Variants in PRKN observed in about 807,000 individuals in gnomAD.
PRKN encodes the protein parkin RBR E3 ubiquitin protein ligase, also known as E3 ubiquitin-protein ligase parkin.
In PRKN, 56 loss-of-function variants were observed where a neutral mutation model predicts 59.5. The observed-to-expected ratio is 0.94, with a 90% CI of 0.76 to 1.18. The LOEUF (loss-of-function observed/expected upper bound fraction) is 1.18. PRKN is among the 50% of genes most tolerant of loss of function. The pLI, the probability that PRKN is intolerant of heterozygous loss-of-function variation, is 0.00. For synonymous variants in PRKN, 250 were observed against 222.1 expected, an observed-to-expected ratio of 1.13 and a Z score of -1.12; for missense variants, 657 against 596.4, an observed-to-expected ratio of 1.10 and a Z score of -1.06.
In PRKN at chr6:161,468,810, G is replaced by A. The variant is rs561637063; in HGVS notation, c.1083+80044C>T. ...TTCATTCATTTGTGAAGTTGTCCTTGTGGCCACAGTTGAAGGCCCTCATGC... is the reference window on the plus strand; with the variant it reads ...TTCATTCATTTGTGAAGTTGTCCTTATGGCCACAGTTGAAGGCCCTCATGC... On this transcript the variant is annotated intron_variant, in intron 9 of 11. Coordinates refer to ENST00000366898, the MANE Select transcript of PRKN (RefSeq NM_004562.3). This position sits in a 1 kb window ranked among gnomAD's most constrained non-coding sequence, Gnocchi z 5.9. Among the ~76,000 whole-genome samples the A allele has an allele frequency of 2.0e-5, 3 of 152,168 alleles. No individual in the cohort carries two copies. The East Asian group carries it at 5.8e-4, about 29-fold the overall frequency.
intron 7 of PRKN, among the ~76,000 whole-genome samples, chr6:161,753,187 G>A (rs1302601352): frequency 6.6e-6 from 1 of 152,164 alleles, no homozygotes; most frequent in Non-Finnish European, 1.5e-5. Context: ...TGATATTAAA[G>A]TAATGCTGAT....
chr6:162,696,167 C>CA (rs147546406), intron 1 of PRKN, among the ~76,000 whole-genome samples: 92 of 152,014 alleles, frequency 6.1e-4, no homozygotes, highest in African/African-American at 2.0e-3. Flanking sequence ...ATTAAAAAGG[C>CA]AAAAAATGTC....
intron 1 of PRKN, among the ~76,000 whole-genome samples, chr6:162,557,598 TCCC>T (rs1361710711): frequency 6.6e-6 from 1 of 152,146 alleles, no homozygotes. Flanking sequence ...AACCTCCACT[TCCC>T]AGGTTCAAGT....
chr6:162,455,235 GT>G (rs1180155283), intron 1 of PRKN, among the ~76,000 whole-genome samples: 1 of 152,080 alleles, frequency 6.6e-6, no homozygotes, highest in African/African-American at 2.4e-5. Flanking sequence ...CCATCCATCT[GT>G]CCATCTGCCC....
Position 162,436,077 on chromosome 6 carries a change from G to C in PRKN, c.171+7233C>G, listed in dbSNP as rs551022978. ...TGAAATCCCAGCGACTTGAGAGGCTGAGGCAGGAGAATCACTTGAACCTGG... is the reference window on the plus strand; with the variant it reads ...TGAAATCCCAGCGACTTGAGAGGCTCAGGCAGGAGAATCACTTGAACCTGG... On this transcript the variant is annotated intron_variant, in intron 2 of 11. Transcript: ENST00000366898. Among the ~76,000 whole-genome samples the C allele has an allele frequency of 1.0e-4, 15 of 147,764 alleles. No homozygotes were observed. In the East Asian group the frequency reaches 3.1e-3, roughly 31 times the overall value.
intron 1 of PRKN, among the ~76,000 whole-genome samples, chr6:162,512,928 T>C (rs1777692980): frequency 1.3e-5 from 2 of 152,156 alleles, no homozygotes; most frequent in South Asian, 2.1e-4. Flanking sequence ...GTACTAACTG[T>C]TGGTCAGACG....
chr6:161,383,240 C>T (rs567804075), intron 10 of PRKN, among the ~76,000 whole-genome samples: 1 of 152,254 alleles, frequency 6.6e-6, no homozygotes, highest in South Asian at 2.1e-4. Context: ...AAATAAAAGC[C>T]CTTCATTCTG....
intron 1 of PRKN, among the ~76,000 whole-genome samples, chr6:162,492,963 A>C (rs1413118320): frequency 6.6e-6 from 1 of 151,482 alleles, no homozygotes; most frequent in East Asian, 1.9e-4. Context: ...AAACAAAAAA[A>C]AAAAAAAAAA....
intron 4 of PRKN, among the ~76,000 whole-genome samples, chr6:162,169,766 A>G (rs1358776298): frequency 1.3e-5 from 2 of 152,208 alleles, no homozygotes; most frequent in Admixed American, 6.5e-5. Context: ...AAAAAATATT[A>G]AAGTCCTGTA....
intron 6 of PRKN, among the ~76,000 whole-genome samples, chr6:161,960,103 G>A (rs1583407398): frequency 6.6e-6 from 1 of 152,222 alleles, no homozygotes; most frequent in African/African-American, 2.4e-5. Context: ...AGCTGAAATG[G>A]AAAGGGAGGG....
rs1173839143 is a variant in PRKN at position 161,502,068 on chromosome 6, TA to T, written c.1083+46785del. Among the ~76,000 whole-genome samples, 1 of 152,178 alleles carries T rather than the reference TA, an allele frequency of 6.6e-6. No individual in the cohort carries two copies. Among genetic ancestry groups the T allele is most frequent in the Non-Finnish European group, 1.5e-5 (1 of 68,022 alleles). ...CCTGGATCACTGAATCATCTGGGCATAAAAGCTTTTTTATGAGTTGTGTTAA... is the reference window on the plus strand; with the variant it reads ...CCTGGATCACTGAATCATCTGGGCATAAAGCTTTTTTATGAGTTGTGTTAA... On this transcript the variant is annotated intron_variant, in intron 9 of 11. Coordinates refer to ENST00000366898, the MANE Select transcript of PRKN (RefSeq NM_004562.3). The surrounding 1 kb of genome is among the most constrained non-coding windows in gnomAD (Gnocchi z 4.0).
chr6:162,447,452 C>A (rs994844980), intron 1 of PRKN, among the ~76,000 whole-genome samples: 1 of 152,032 alleles, frequency 6.6e-6, no homozygotes, highest in Non-Finnish European at 1.5e-5. Flanking sequence ...GTATCAGAAA[C>A]AAACAACATA....
chr6:161,541,481 T>C (rs188931266), intron 9 of PRKN, among the ~76,000 whole-genome samples: 12 of 152,310 alleles, frequency 7.9e-5, no homozygotes, highest in South Asian at 2.1e-4. Context: ...ATAAAACTGA[T>C]TTTCTAACAC....
intron 3 of PRKN, among the ~76,000 whole-genome samples, chr6:162,204,693 T>C (rs1446593004): frequency 6.8e-6 from 1 of 146,228 alleles, no homozygotes; most frequent in East Asian, 2.0e-4. Flanking sequence ...ATAAAGTATG[T>C]TAATTTTATT....
At chr6:161,507,079 G>A (rs1238184634) in intron 9 of PRKN, among the ~76,000 whole-genome samples, 1 of 152,190 alleles carries the variant, frequency 6.6e-6, no homozygotes, top group African/African-American at 2.4e-5. Context: ...GCAGTTTTAA[G>A]CCTCACGTAA....
At chr6:162,159,397 C>G (rs751366103) in intron 4 of PRKN, among the ~76,000 whole-genome samples, 3 of 152,154 alleles carry the variant, frequency 2.0e-5, no homozygotes, top group Non-Finnish European at 4.4e-5. Flanking sequence ...AAAATCTGAT[C>G]TACTTAGGGA....
rs185806728 is a variant in PRKN at position 162,359,765 on chromosome 6, C to T, written c.171+83545G>A. 2.5e-3 allele frequency among the ~76,000 whole-genome samples: 377 copies of T among 152,106 alleles called. 1 individual carries two copies. The highest frequency in any genetic ancestry group is 8.8e-3 in the African/African-American group (364 of 41,498). On this transcript the variant is annotated intron_variant, in intron 2 of 11. Transcript: ENST00000366898. ...TCATGATTATTATATAGAGAATAGACGTTTGCCTCTTAATGGAATTGGAAA... is the reference window on the plus strand; with the variant it reads ...TCATGATTATTATATAGAGAATAGATGTTTGCCTCTTAATGGAATTGGAAA...
chr6:161,732,813 T>C (rs1179926623), intron 7 of PRKN, among the ~76,000 whole-genome samples: 1 of 152,168 alleles, frequency 6.6e-6, no homozygotes, highest in African/African-American at 2.4e-5. Context: ...GTTCTTTGCA[T>C]TGTCTCGATG....
chr6:161,633,997 A>AACACACACACACAC (rs141101298), intron 7 of PRKN, among the ~76,000 whole-genome samples: 70 of 142,126 alleles, frequency 4.9e-4, no homozygotes, highest in East Asian at 2.2e-3. Flanking sequence ...GGAAAACTTA[A>AACACACACACACAC]ACACACACAC....
Sources: gnomAD v4.1 joint callset for allele counts (sites outside exome capture counted in the v4.1 genomes callset) on GRCh38, gnomAD v4.1.1 for gene constraint, Gnocchi (gnomAD v3.1) non-coding constraint, MANE v1.5 for transcripts, NCBI Gene and HGNC (gene_info 2026-07-23, HGNC 2026-07-21) for gene names.